Variants in TMEM135 observed in about 807,000 individuals in gnomAD.
TMEM135 encodes the protein peroxisomal membrane protein 52.
TMEM135 carries 30 observed loss-of-function variants against 60.3 expected under a neutral mutation model. That is an observed-to-expected ratio of 0.50 (90% CI 0.37 to 0.68). The LOEUF (loss-of-function observed/expected upper bound fraction) is 0.68, where lower values mean the gene tolerates loss of function less well. Ranked by LOEUF, TMEM135 falls within the 30% of genes least tolerant of loss-of-function variation. The pLI is 0.00. For missense variants in TMEM135, 468 were observed against 548.8 expected, an observed-to-expected ratio of 0.85 and a Z score of 1.47; for synonymous variants, 190 against 186.7, an observed-to-expected ratio of 1.02 and a Z score of -0.14.
intron 5 of TMEM135, among the ~76,000 whole-genome samples, chr11:87,158,322 A>G (rs559074829): frequency 6.6e-6 from 1 of 152,330 alleles, no homozygotes; most frequent in African/African-American, 2.4e-5. Context: ...TGAGTATCTA[A>G]GGAGTTAAAC....
chr11:87,167,959 G>T (rs975067205), intron 5 of TMEM135, among the ~76,000 whole-genome samples: 1 of 151,948 alleles, frequency 6.6e-6, no homozygotes, highest in Non-Finnish European at 1.5e-5. Flanking sequence ...TTGGGTGGCA[G>T]GCTATTAATT....
At chr11:87,315,019 G>A (rs1434047175) in intron 12 of TMEM135, among the ~76,000 whole-genome samples, 1 of 151,818 alleles carries the variant, frequency 6.6e-6, no homozygotes, top group Non-Finnish European at 1.5e-5. Flanking sequence ...TATCCAATTA[G>A]AGTTTATGTC....
At chr11:87,165,956 A>AAACACCTCT (rs1939029864) in intron 5 of TMEM135, among the ~76,000 whole-genome samples, 1 of 150,660 alleles carries the variant, frequency 6.6e-6, no homozygotes, top group Non-Finnish European at 1.5e-5. Context: ...AGAATACTAC[A>AAACACCTCT]AACACCTCTA....
At chr11:87,251,371 G>T (rs191642619) in intron 6 of TMEM135, among the ~76,000 whole-genome samples, 38 of 152,224 alleles carry the variant, frequency 2.5e-4, no homozygotes, top group African/African-American at 8.7e-4. Context: ...GTGGCAAGAG[G>T]CATTATAAAT....
At chr11:87,158,893 T>C (rs1449094589) in intron 5 of TMEM135, among the ~76,000 whole-genome samples, 1 of 152,230 alleles carries the variant, frequency 6.6e-6, no homozygotes, top group East Asian at 1.9e-4. Context: ...TAAGGTCAGA[T>C]GTAGTAATCT....
Position 87,327,409 on chromosome 11 carries a change from TG to T in TMEM135, c.*6077del, listed in dbSNP as rs747461190. 4 of 453,976 alleles carry T rather than the reference TG, an allele frequency of 8.8e-6. No individual in the cohort carries two copies. Among genetic ancestry groups the T allele is most frequent in the South Asian group, 6.2e-5 (4 of 64,472 alleles). The allele number at this position is 453,976 out of a possible 1,614,324, so 28.1% of individuals were successfully genotyped here. On this transcript the variant is annotated 3_prime_UTR_variant, in exon 15 of 15. Coordinates refer to ENST00000305494, the MANE Select transcript of TMEM135 (RefSeq NM_022918.4). ...GAAAGAACCTGCTTCTGTGAGCCAC[TG>T]AATGGTGCCATTAACCATCTGCATT...
chr11:87,062,315 G>T (rs1450382241), intron 1 of TMEM135, among the ~76,000 whole-genome samples: 1 of 132,826 alleles, frequency 7.5e-6, no homozygotes, highest in Non-Finnish European at 1.5e-5. Context: ...CTTTTTCTGG[G>T]CACTTTATTG....
At chr11:87,256,203 C>A (rs1941525374) in intron 6 of TMEM135, among the ~76,000 whole-genome samples, 1 of 152,066 alleles carries the variant, frequency 6.6e-6, no homozygotes, top group South Asian at 2.1e-4. Flanking sequence ...ATTAGAGGAT[C>A]CATTATATTA....
intron 5 of TMEM135, among the ~76,000 whole-genome samples, chr11:87,166,923 C>T (rs1939067451): frequency 6.6e-6 from 1 of 152,116 alleles, no homozygotes; most frequent in Non-Finnish European, 1.5e-5. Context: ...AATATTACTT[C>T]TTCCTATCCA....
At chr11:87,137,729 GA>G (rs967905764) in intron 4 of TMEM135, among the ~76,000 whole-genome samples, 1 of 150,910 alleles carries the variant, frequency 6.6e-6, no homozygotes, top group Non-Finnish European at 1.5e-5. Flanking sequence ...CATGATGGGG[GA>G]AAAAACCTCA....
At chr11:87,073,514 G>A (rs1471141817) in intron 3 of TMEM135, among the ~76,000 whole-genome samples, 2 of 152,076 alleles carry the variant, frequency 1.3e-5, no homozygotes, top group Non-Finnish European at 2.9e-5. Context: ...AGGAACATAG[G>A]TTACTCCACC....
chr11:87,247,682 G>C (rs1281291893), intron 6 of TMEM135, among the ~76,000 whole-genome samples: 7 of 152,206 alleles, frequency 4.6e-5, no homozygotes, highest in African/African-American at 1.7e-4. Context: ...TAATCTCCTG[G>C]TGCGCCGTTT....
chr11:87,095,650 A>G (rs1857307648), intron 4 of TMEM135: 1 of 198,434 alleles, frequency 5.0e-6, no homozygotes, highest in Non-Finnish European at 1.1e-5. Context: ...CATTTTGGAT[A>G]CTAGGATTTG....
At chr11:87,109,345 A>G (rs1305283157) in intron 4 of TMEM135, among the ~76,000 whole-genome samples, 1 of 152,166 alleles carries the variant, frequency 6.6e-6, no homozygotes, top group Non-Finnish European at 1.5e-5. Context: ...TTAATTTATA[A>G]ATTTGGCACA....
In TMEM135 at chr11:87,325,702, A is replaced by AT. The variant is rs11308630; in HGVS notation, c.*4379dup. On this transcript the variant is annotated 3_prime_UTR_variant, in exon 15 of 15. Coordinates refer to ENST00000305494, the MANE Select transcript of TMEM135 (RefSeq NM_022918.4). ...GGAGTAAACATTTCCAGAGACACTG[A>AT]TTTTTTTTTTATATGCTCTGTTTTT... is the stretch of plus-strand genomic sequence containing the variant. The AT allele has an allele frequency of 1.7e-4, 75 of 447,220 alleles. No individual in the cohort carries two copies. The East Asian group carries it at 2.0e-3, about 12-fold the overall frequency. 27.7% of individuals were successfully genotyped at this position (447,220 alleles called of 1,614,324 possible).
At chr11:87,283,956 A>G (rs1173339267) in intron 6 of TMEM135, among the ~76,000 whole-genome samples, 1 of 134,298 alleles carries the variant, frequency 7.4e-6, no homozygotes, top group Non-Finnish European at 1.8e-5. Context: ...TAGAAGGGAA[A>G]AAACTGAAAG....
At chr11:87,316,197 G>A (rs1942724719) in intron 12 of TMEM135, among the ~76,000 whole-genome samples, 1 of 151,812 alleles carries the variant, frequency 6.6e-6, no homozygotes, top group Non-Finnish European at 1.5e-5. Context: ...TTGGAACATA[G>A]TGATATTTCT....
intron 8 of TMEM135, among the ~76,000 whole-genome samples, chr11:87,303,560 TTAA>T (rs1167445794): frequency 6.6e-6 from 1 of 152,218 alleles, no homozygotes; most frequent in African/African-American, 2.4e-5. Flanking sequence ...TTAACTGGGG[TTAA>T]TAATCTCTAT....
chr11:87,287,360 A>C (rs1363593990), intron 6 of TMEM135, among the ~76,000 whole-genome samples: 1 of 152,238 alleles, frequency 6.6e-6, no homozygotes, highest in Non-Finnish European at 1.5e-5. Flanking sequence ...AGGACTCTGA[A>C]GTGCCCCAAT....
Sources: gnomAD v4.1 joint callset for allele counts (sites outside exome capture counted in the v4.1 genomes callset) on GRCh38, gnomAD v4.1.1 for gene constraint, MANE v1.5 for transcripts, NCBI Gene and HGNC (gene_info 2026-07-23, HGNC 2026-07-21) for gene names.